The following RASSF3 variants were observed in gnomAD, a reference collection of about 807,000 sequenced individuals.
The protein encoded by RASSF3 is ras association domain-containing protein 3.
A neutral mutation model predicts 19.9 loss-of-function variants in RASSF3; 19 were observed. That is an observed-to-expected ratio of 0.96 (90% CI 0.67 to 1.40). The LOEUF is 1.40. Among genes scored for constraint, RASSF3 ranks in the 40% most tolerant of loss-of-function variants. The pLI, the probability that RASSF3 is intolerant of heterozygous loss-of-function variation, is 0.00. For synonymous variants in RASSF3, 110 were observed against 104.2 expected, an observed-to-expected ratio of 1.06 and a Z score of -0.34; for missense variants, 306 against 289.8, an observed-to-expected ratio of 1.06 and a Z score of -0.41.
chr12:64,665,530 AG>A (rs937143981), intron 1 of RASSF3, among the ~76,000 whole-genome samples: 54 of 152,148 alleles, frequency 3.5e-4, no homozygotes, highest in African/African-American at 1.3e-3. Flanking sequence ...TGGCTGAAAC[AG>A]GGAAGAGGTG....
intron 1 of RASSF3, among the ~76,000 whole-genome samples, chr12:64,660,607 A>T (rs1872322789): frequency 6.6e-6 from 1 of 152,220 alleles, no homozygotes; most frequent in South Asian, 2.1e-4. Flanking sequence ...AAAAAAAGGT[A>T]GTGACTATCA....
chr12:64,629,678 A>G (rs527273681), intron 1 of RASSF3, among the ~76,000 whole-genome samples: 11 of 152,052 alleles, frequency 7.2e-5, no homozygotes, highest in Admixed American at 5.9e-4. Context: ...AAAATGGTTT[A>G]TGTGGACCAG....
chr12:64,678,427 C>G (rs1221424376), intron 1 of RASSF3, among the ~76,000 whole-genome samples: 2 of 152,086 alleles, frequency 1.3e-5, no homozygotes, highest in Admixed American at 6.6e-5. Flanking sequence ...CAGGCTGGAC[C>G]CCACACCTGA....
intron 1 of RASSF3, among the ~76,000 whole-genome samples, chr12:64,684,013 A>AGTGTGTGTGTGT (rs10598381): frequency 0.027 from 3,724 of 138,376 alleles, 88 homozygotes; most frequent in East Asian, 0.11. Flanking sequence ...AGAGAGAGTG[A>AGTGTGTGTGTGT]GTGTGTGTGT....
upstream of RASSF3, among the ~76,000 whole-genome samples, chr12:64,532,389 T>C (rs1227190263): frequency 6.6e-6 from 1 of 152,244 alleles, no homozygotes; most frequent in Non-Finnish European, 1.5e-5. Context: ...TAGAAAGCAG[T>C]ACCCTAATCA....
In RASSF3 at chr12:64,676,832, G is replaced by A. The variant is rs147144218; in HGVS notation, c.112-7955G>A. Reference sequence around the variant, plus strand: ...TGCCCAGGCTGGAGTGCAGTGGCACGATCTTGGCTCACTGTAACCTCCATC... The same window carrying A: ...TGCCCAGGCTGGAGTGCAGTGGCACAATCTTGGCTCACTGTAACCTCCATC... On this transcript the variant is annotated intron_variant, in intron 1 of 4. Coordinates refer to ENST00000542104, the MANE Select transcript of RASSF3 (RefSeq NM_178169.4). Among the ~76,000 whole-genome samples the A allele has an allele frequency of 8.2e-3, 1,226 of 149,150 alleles. 18 individuals are homozygous for A. The highest frequency in any genetic ancestry group is 0.029 in the African/African-American group (1,173 of 40,424).
chr12:64,668,888 C>G (rs1872609703), intron 1 of RASSF3, among the ~76,000 whole-genome samples: 1 of 151,406 alleles, frequency 6.6e-6, no homozygotes, highest in Non-Finnish European at 1.5e-5. Context: ...TCACCGTGGT[C>G]TCGATCTCCT....
intron 2 of RASSF3, among the ~76,000 whole-genome samples, chr12:64,571,091 G>T (rs931314453): frequency 6.6e-6 from 1 of 151,988 alleles, no homozygotes. Flanking sequence ...GGTCGCGGGC[G>T]CCTGTAATCC....
At position 64,696,839 on chromosome 12, in the gene RASSF3, T is replaced by A. The variant is rs1868381111; in HGVS notation, c.*1927T>A. The A allele has an allele frequency of 6.6e-6, 1 of 152,246 alleles. No homozygotes were observed. 9.4% of individuals were successfully genotyped at this position (152,246 alleles called of 1,614,324 possible). ...CTTTTGTACATTGATGAGGTTTTAG[T>A]GACATTGTCATCCAACACTTTACCT... On this transcript the variant is annotated 3_prime_UTR_variant, in exon 5 of 5. Coordinates refer to ENST00000542104, the MANE Select transcript of RASSF3 (RefSeq NM_178169.4).
rs542817623 is a variant in RASSF3 at position 64,656,906 on chromosome 12, G to A, written c.112-27881G>A. On this transcript the variant is annotated intron_variant, in intron 1 of 4. Transcript: ENST00000542104. Reference sequence around the variant, plus strand: ...GCCAGTCACTAAAAGGACAAATACTGTATGATTACAATTGCATGAAGTGCC... The same window carrying A: ...GCCAGTCACTAAAAGGACAAATACTATATGATTACAATTGCATGAAGTGCC... Among the ~76,000 whole-genome samples the A allele has an allele frequency of 2.0e-5, 3 of 152,140 alleles. No homozygotes were observed. In the South Asian group the frequency reaches 6.2e-4, roughly 32 times the overall value.
intron 2 of RASSF3, among the ~76,000 whole-genome samples, chr12:64,568,418 T>G (rs2136129010): frequency 6.6e-6 from 1 of 152,336 alleles, no homozygotes; most frequent in Admixed American, 6.5e-5. Context: ...TTTGTTTGCC[T>G]TTCTTCTATT....
intron 1 of RASSF3, among the ~76,000 whole-genome samples, chr12:64,668,276 T>C (rs1206468687): frequency 6.6e-6 from 1 of 152,038 alleles, no homozygotes. Context: ...TTCTTCTTTT[T>C]TTTTTTTTCT....
intron 1 of RASSF3, among the ~76,000 whole-genome samples, chr12:64,655,204 G>C (rs994215512): frequency 6.6e-6 from 1 of 152,216 alleles, no homozygotes; most frequent in Non-Finnish European, 1.5e-5. Context: ...TTAGCTGTCT[G>C]TGATGATAAG....
At chr12:64,535,418 G>A (rs1186241096) in intron 1 of RASSF3, among the ~76,000 whole-genome samples, 1 of 152,098 alleles carries the variant, frequency 6.6e-6, no homozygotes, top group Non-Finnish European at 1.5e-5. Context: ...AGGCTGGAGT[G>A]CAGTGGTGCA....
intron 1 of RASSF3, among the ~76,000 whole-genome samples, chr12:64,525,908 T>C (rs12820028): frequency 0.28 from 42,911 of 152,014 alleles, 6,936 homozygotes; most frequent in Middle Eastern, 0.41. Flanking sequence ...GCACGTTACC[T>C]CCGTCCCAAA....
At chr12:64,612,344 G>A (rs189373072) in intron 1 of RASSF3, among the ~76,000 whole-genome samples, 7 of 152,238 alleles carry the variant, frequency 4.6e-5, no homozygotes, top group African/African-American at 9.6e-5. Context: ...CTGAAAACTG[G>A]CTGGTTCTTG....
At chr12:64,693,604 C>T (rs12824259) in intron 4 of RASSF3, among the ~76,000 whole-genome samples, 21,475 of 151,868 alleles carry the variant, frequency 0.14, 1,573 homozygotes, top group South Asian at 0.28. Context: ...TTTTTTGTAG[C>T]GACCTGGTGT....
intron 2 of RASSF3, among the ~76,000 whole-genome samples, chr12:64,571,808 G>T (rs1003197056): frequency 2.0e-5 from 3 of 152,100 alleles, no homozygotes; most frequent in Non-Finnish European, 4.4e-5. Flanking sequence ...TCTCTTCCCA[G>T]GTTCCCAAGT....
At chr12:64,589,321 A>T (rs908697128) in intron 2 of RASSF3, among the ~76,000 whole-genome samples, 1 of 152,078 alleles carries the variant, frequency 6.6e-6, no homozygotes, top group Non-Finnish European at 1.5e-5. Context: ...GTGGTGGCAC[A>T]TGCCTGTAAT....
Sources: allele counts gnomAD v4.1 joint callset (sites outside exome capture counted in the v4.1 genomes callset), GRCh38; gene constraint gnomAD v4.1.1; transcripts MANE v1.5; gene names NCBI Gene and HGNC (gene_info 2026-07-23, HGNC 2026-07-21).